Variants in SSC5D observed in about 807,000 individuals in gnomAD.
SSC5D encodes scavenger receptor cysteine rich family member with 5 domains.
In SSC5D, 106 loss-of-function variants were observed where a neutral mutation model predicts 104.6. The observed-to-expected ratio is 1.01, with a 90% confidence interval of 0.87 to 1.19. The LOEUF is 1.19. Ranked by LOEUF, SSC5D falls within the 50% of genes most tolerant of loss-of-function variation. SSC5D has a pLI of 0.00. For synonymous variants in SSC5D, 860 were observed against 883.5 expected, an observed-to-expected ratio of 0.97 and a Z score of 0.47; for missense variants, 1,993 against 2,153.8, an observed-to-expected ratio of 0.93 and a Z score of 1.48.
At chr19:55,488,726 G>A (rs1015409696) in intron 1 of SSC5D, 112 bp downstream of exon 1, 6 of 962,562 alleles carry the variant, frequency 6.2e-6, no homozygotes, top group Non-Finnish European at 9.7e-6. Flanking sequence ...TGGTGCTCCT[G>A]CATACCCTGA....
In SSC5D at chr19:55,513,062, G is replaced by A; in HGVS notation, c.2837G>A (p.Arg946Lys). Residue 946 changes from arginine to lysine, a missense_variant, in exon 13 of 14, where the codon AGG (arginine) becomes AAG (lysine). By Grantham distance (26) the Arg-to-Lys change is conservative. Around this residue, in one of 6 missense-constraint regions of SSC5D, gnomAD observed 423 missense variants for 409.2 expected, o/e 1.03. Coordinates refer to ENST00000389623, the MANE Select transcript of SSC5D (RefSeq NM_001144950.2). ...TGGACGTGGGACACACCATCAGGAA[G>A]GGGCCTGGCTGAGGGGACCCCTACC... ...LPWTWDTPSGRGLAEGTPTAG... is the reference protein window; with the variant it reads ...LPWTWDTPSGKGLAEGTPTAG... 6.4e-7 allele frequency: 1 copy of A among 1,551,820 alleles called. No individual in the cohort carries two copies. The highest frequency in any genetic ancestry group is 1.4e-5 in the African/African-American group (1 of 73,140).
rs568644463 is a variant in SSC5D, at chr19:55,496,722, T to A, written c.1388-1158T>A. Among the ~76,000 whole-genome samples, 85 of 151,516 alleles carry A rather than the reference T, an allele frequency of 5.6e-4. No individual in the cohort carries two copies. The South Asian group carries it at 0.016, about 29-fold the overall frequency. ...AAAAACAATTGTGATAAAACATACA[T>A]GACATAAAGTTTACCATTTTTACCA... On this transcript the variant is annotated intron_variant, in intron 8 of 13. Transcript: ENST00000389623.
In SSC5D at chr19:55,489,409, G is replaced by A; in HGVS notation, c.108G>A (p.Trp36Ter). Residue 36 changes from tryptophan (W) to a stop codon, truncating the protein, a stop_gained, in exon 3 of 14, where the codon TGG (tryptophan) becomes TGA (stop). Coordinates refer to ENST00000389623, the MANE Select transcript of SSC5D (RefSeq NM_001144950.2). LOFTEE classifies it high-confidence loss of function. ...PHGCAGRLEV[W>*]HGGRWGTVCD... The stretch of plus-strand genomic sequence containing the variant: ...GGTGCGCTGGCCGCCTGGAGGTCTG[G>A]CATGGCGGGCGCTGGGGCACCGTGT... The A allele has an allele frequency of 1.3e-6, 2 of 1,490,460 alleles. No homozygotes were observed. The highest frequency in any genetic ancestry group is 1.8e-6 in the Non-Finnish European group (2 of 1,127,084). The allele number at this position is 1,490,460 out of a possible 1,614,324, so 92.3% of individuals were successfully genotyped here.
At chr19:55,489,771 C>T in intron 3 of SSC5D, 109 bp downstream of exon 3, 1 of 1,483,010 alleles carries the variant, frequency 6.7e-7, no homozygotes, top group South Asian at 1.2e-5. Context: ...CAGAGACACC[C>T]AACCTCCCAT....
intron 12 of SSC5D, among the ~76,000 whole-genome samples, chr19:55,504,596 G>T (rs1187131221): frequency 6.6e-6 from 1 of 152,196 alleles, no homozygotes; most frequent in Non-Finnish European, 1.5e-5. Flanking sequence ...TGCCTCCCAG[G>T]TTTAAACGAT....
intron 12 of SSC5D, among the ~76,000 whole-genome samples, chr19:55,512,557 C>T (rs1987782497): frequency 2.0e-5 from 3 of 151,062 alleles, no homozygotes. Context: ...TCTTGGCTCA[C>T]TGCAACCTCT....
chr19:55,509,513 G>T lies in SSC5D; in HGVS notation c.2786-3498G>T, dbSNP rs116034205. Among the ~76,000 whole-genome samples, 598 of 151,982 alleles carry T rather than the reference G, an allele frequency of 3.9e-3. 7 individuals are homozygous for T. Among genetic ancestry groups the T allele is most frequent in the African/African-American group, 0.014 (574 of 41,446 alleles). On this transcript the variant is annotated intron_variant, in intron 12 of 13. Transcript: ENST00000389623. ...CCCAGCTGTATATCCATGCAATCGAGTAGTACGTAGAGGTTCACAGAATGA... is the reference window on the plus strand; with the variant it reads ...CCCAGCTGTATATCCATGCAATCGATTAGTACGTAGAGGTTCACAGAATGA...
chr19:55,501,280 C>T (rs1987497277), intron 12 of SSC5D, 79 bp downstream of exon 12: 10 of 1,440,586 alleles, frequency 6.9e-6, no homozygotes, highest in Non-Finnish European at 9.2e-6. Context: ...CCAGAAAGAC[C>T]CTTCTCAATG....
chr19:55,511,338 C>T (rs566873437), intron 12 of SSC5D, among the ~76,000 whole-genome samples: 9 of 152,216 alleles, frequency 5.9e-5, no homozygotes, highest in African/African-American at 1.7e-4. Flanking sequence ...GAGCTTAAGG[C>T]GACATCGGTC....
chr19:55,514,182 G>C (rs1284505960), intron 13 of SSC5D, among the ~76,000 whole-genome samples: 1 of 151,216 alleles, frequency 6.6e-6, no homozygotes, highest in Non-Finnish European at 1.5e-5. Context: ...GAGGCGGGCA[G>C]ATCACGAGGT....
Position 55,489,950 on chromosome 19 carries a change from T to C in SSC5D, c.430T>C (p.Leu144=), listed in dbSNP as rs1987085517. ...PLDGAPWPGL[L]LELSPSTEEP... is the part of the protein sequence containing the mutation. The stretch of plus-strand genomic sequence containing the variant: ...GGATGGGGCTCCCTGGCCAGGGCTG[T>C]TGCTGGAGCTGAGCCCCAGCACGGA... The change falls in exon 4 of 14, where the codon TTG becomes CTG. Residue 144 remains leucine, a synonymous_variant. Coordinates refer to ENST00000389623, the MANE Select transcript of SSC5D (RefSeq NM_001144950.2). 6.5e-7 allele frequency: 1 copy of C among 1,549,288 alleles called. No homozygotes were observed.
At chr19:55,504,255 G>A (rs1568481625) in intron 12 of SSC5D, 3 of 1,517,512 alleles carry the variant, frequency 2.0e-6, no homozygotes, top group East Asian at 5.0e-5. Context: ...CAGCGGGTCC[G>A]GCCTCGGGAC....
At position 55,517,625 on chromosome 19, in the gene SSC5D, C is replaced by G; in HGVS notation, c.3349C>G (p.Gln1117Glu). The G allele has an allele frequency of 6.4e-7, 1 of 1,551,832 alleles. No homozygotes were observed. The highest frequency in any genetic ancestry group is 1.2e-5 in the South Asian group (1 of 84,052). The change falls in exon 14 of 14, where the codon CAG (glutamine) becomes GAG (glutamate). Residue 1117 changes from glutamine (Q) to glutamate (E), a missense_variant. Physicochemically the swap from Gln to Glu is conservative, Grantham distance 29. Transcript: ENST00000389623. Reference protein sequence around the residue: ...EVTSLSPTSEQVPESDTTPDL... With the variant: ...EVTSLSPTSEEVPESDTTPDL... ...GACCAGCCTTTCCCCTACCTCAGAG[C>G]AGGTCCCAGAATCTGACACAACCCC...
rs1173553944 is a variant in SSC5D at position 55,493,081 on chromosome 19, G to A, written c.896-514G>A. Among the ~76,000 whole-genome samples the A allele has an allele frequency of 2.0e-5, 3 of 152,240 alleles. No homozygotes were observed. The East Asian group carries it at 5.8e-4, about 29-fold the overall frequency. ...CCTATGTATCCTAAGGCCAGCGAGA[G>A]GTTAATATCTAGACTAGTGGCTCTC... On this transcript the variant is annotated intron_variant, in intron 6 of 13. Transcript: ENST00000389623.
rs1175969802 is a variant in SSC5D at position 55,498,042 on chromosome 19, A to T, written c.1550A>T (p.Asp517Val). The T allele has an allele frequency of 9.7e-6, 15 of 1,551,556 alleles. No individual in the cohort carries two copies. The highest frequency in any genetic ancestry group is 1.2e-5 in the Non-Finnish European group (14 of 1,147,008). ...ELGCGGPQQP[D>V]PAAGRFGWGA... ...GGCTGTGGTGGACCTCAGCAGCCAG[A>T]CCCTGCTGCTGGCCGCTTTGGCTGG... is the stretch of plus-strand genomic sequence containing the variant. The change falls in exon 9 of 14, where the codon GAC becomes GTC. Residue 517 changes from aspartate (D) to valine (V), a missense_variant. Physicochemically the swap from Asp to Val is radical, Grantham distance 152. This residue lies in a region of SSC5D where 1,101 missense variants were observed against 1,085.0 expected (regional missense o/e 1.01). Transcript: ENST00000389623.
Position 55,489,867 on chromosome 19 carries a change from G to GC in SSC5D, c.362-8dup, listed in dbSNP as rs774967406. On this transcript the variant is annotated splice_polypyrimidine_tract_variant and intron_variant, in intron 3 of 13. Transcript: ENST00000389623. Reference sequence around the variant, plus strand: ...TCCTCTCCTCATAGCTTCTGTCCCTGCCCCCCCGCCGCAGGTCAGCGTGTG... The same window carrying GC: ...TCCTCTCCTCATAGCTTCTGTCCCTGCCCCCCCCGCCGCAGGTCAGCGTGTG... 156 of 1,545,670 alleles carry GC rather than the reference G, an allele frequency of 1.0e-4. No homozygotes were observed. Among genetic ancestry groups the GC allele is most frequent in the African/African-American group, 1.6e-4 (12 of 72,894 alleles).
In SSC5D at chr19:55,490,971, G is replaced by A; in HGVS notation, c.786G>A (p.Met262Ile). The A allele has an allele frequency of 6.5e-7, 1 of 1,547,566 alleles. No homozygotes were observed. The highest frequency in any genetic ancestry group is 1.2e-5 in the South Asian group (1 of 83,720). Residue 262 changes from methionine to isoleucine, a missense_variant, in exon 6 of 14, where the codon ATG (methionine) becomes ATA (isoleucine). By Grantham distance (10) the Met-to-Ile change is conservative. Transcript: ENST00000389623. Reference sequence around the variant, plus strand: ...GGCCTGGTGCAGGGCCCGTGTGGATGGACGATGTGGGGTGTGGAGGAGGAG... The same window carrying A: ...GGCCTGGTGCAGGGCCCGTGTGGATAGACGATGTGGGGTGTGGAGGAGGAG... ...RFGPGAGPVW[M>I]DDVGCGGGEQ...
intron 12 of SSC5D, chr19:55,504,340 A>G: frequency 7.1e-7 from 1 of 1,405,734 alleles, no homozygotes; most frequent in Non-Finnish European, 9.2e-7. Flanking sequence ...GTGAAATGAA[A>G]AGACAGCCAT....
Position 55,519,049 on chromosome 19 carries a change from A to C in SSC5D, c.*51A>C. On this transcript the variant is annotated 3_prime_UTR_variant, in exon 14 of 14. Transcript: ENST00000389623. ...AGACACCCCCAACCAAAAAAAACAA[A>C]AACAAAAAAAACCCCCAAAGTATCT... 9 of 1,497,490 alleles carry C rather than the reference A, an allele frequency of 6.0e-6. No homozygotes were observed. The highest frequency in any genetic ancestry group is 7.1e-6 in the Non-Finnish European group (8 of 1,121,686). The allele number at this position is 1,497,490 out of a possible 1,614,324, so 92.8% of individuals were successfully genotyped here.
Sources: allele counts gnomAD v4.1 joint callset (sites outside exome capture counted in the v4.1 genomes callset), GRCh38; gene constraint gnomAD v4.1.1; regional missense constraint gnomAD v4.1.1; transcripts MANE v1.5; gene names NCBI Gene and HGNC (gene_info 2026-07-23, HGNC 2026-07-21).